Variants in ZRANB3 observed in about 807,000 individuals in gnomAD.
ZRANB3 encodes zinc finger RANBP2-type containing 3.
A neutral mutation model predicts 133.8 loss-of-function variants in ZRANB3; 125 were observed. That is an observed-to-expected ratio of 0.93 (90% confidence interval 0.81 to 1.08). The LOEUF (loss-of-function observed/expected upper bound fraction) is 1.08. Among genes scored for constraint, ZRANB3 ranks in the 50% least tolerant of loss-of-function variants. ZRANB3 has a pLI of 0.00. For missense variants in ZRANB3, 1,229 were observed against 1,275.5 expected (o/e 0.96, Z 0.56); for synonymous variants, 387 against 432.7 (o/e 0.89, Z 1.31).
At chr2:135,384,946 C>A (rs1254533125) in intron 3 of ZRANB3, among the ~76,000 whole-genome samples, 1 of 152,170 alleles carries the variant, frequency 6.6e-6, no homozygotes, top group African/African-American at 2.4e-5. Flanking sequence ...GACACGGATG[C>A]ACTTTCTCAC....
At chr2:135,310,308 A>G (rs1265171022) in intron 8 of ZRANB3, among the ~76,000 whole-genome samples, 1 of 152,172 alleles carries the variant, frequency 6.6e-6, no homozygotes. Context: ...CCAATGAATG[A>G]GAATAGAGTT....
intron 2 of ZRANB3, among the ~76,000 whole-genome samples, chr2:135,452,159 G>A (rs1376455322): frequency 6.6e-6 from 1 of 152,172 alleles, no homozygotes; most frequent in Non-Finnish European, 1.5e-5. Flanking sequence ...AAAGGAAAAT[G>A]AGGAAGCAGC....
chr2:135,289,748 CAA>C (rs1200665697), intron 8 of ZRANB3, among the ~76,000 whole-genome samples: 2 of 151,966 alleles, frequency 1.3e-5, no homozygotes, highest in African/African-American at 4.8e-5. Flanking sequence ...ACTAAAAATA[CAA>C]AAATTAGCTG....
intron 2 of ZRANB3, among the ~76,000 whole-genome samples, chr2:135,480,065 C>T (rs538244416): frequency 6.6e-6 from 1 of 151,486 alleles, no homozygotes; most frequent in Non-Finnish European, 1.5e-5. Flanking sequence ...TCCAAGGTAG[C>T]TGGGACTACA....
intron 6 of ZRANB3, among the ~76,000 whole-genome samples, chr2:135,342,920 T>C (rs1174533307): frequency 6.8e-6 from 1 of 146,956 alleles, no homozygotes; most frequent in Non-Finnish European, 1.5e-5. Flanking sequence ...ATCCCAGCAC[T>C]TTGGGAGGCT....
chr2:135,316,474 T>A (rs992558887), intron 6 of ZRANB3, among the ~76,000 whole-genome samples: 4 of 152,122 alleles, frequency 2.6e-5, no homozygotes, highest in Admixed American at 6.6e-5. Flanking sequence ...TGTTAGAGAA[T>A]AATTAACAAA....
At chr2:135,481,082 C>A (rs574313692) in intron 2 of ZRANB3, among the ~76,000 whole-genome samples, 77 of 152,144 alleles carry the variant, frequency 5.1e-4, no homozygotes, top group African/African-American at 1.9e-3. Context: ...CATACGTGAG[C>A]ATGTGTCTTT....
chr2:135,334,891 T>C (rs762820934), intron 6 of ZRANB3, among the ~76,000 whole-genome samples: 2 of 152,032 alleles, frequency 1.3e-5, no homozygotes, highest in Non-Finnish European at 1.5e-5. Flanking sequence ...CAAGACTCCA[T>C]CTCAAAAATA....
chr2:135,482,958 G>C (rs1032435261), intron 2 of ZRANB3, among the ~76,000 whole-genome samples: 2 of 151,816 alleles, frequency 1.3e-5, no homozygotes, highest in Non-Finnish European at 2.9e-5. Flanking sequence ...TGCATCCCAG[G>C]GATGAAGCCC....
intron 1 of ZRANB3, among the ~76,000 whole-genome samples, chr2:135,526,539 AG>A (rs1390240214): frequency 2.6e-5 from 4 of 152,132 alleles, no homozygotes; most frequent in Admixed American, 1.3e-4. Flanking sequence ...AATTCTCATC[AG>A]GGGGGTTTTA....
At chr2:135,490,783 T>TAC (rs1692337004) in intron 2 of ZRANB3, among the ~76,000 whole-genome samples, 1 of 152,230 alleles carries the variant, frequency 6.6e-6, no homozygotes, top group African/African-American at 2.4e-5. Flanking sequence ...GATATATATA[T>TAC]ACACAATGAA....
chr2:135,435,727 A>C (rs1689504424), intron 2 of ZRANB3, among the ~76,000 whole-genome samples: 1 of 151,926 alleles, frequency 6.6e-6, no homozygotes, highest in East Asian at 1.9e-4. Context: ...TTTGATTTGC[A>C]TTTCTCTAAT....
Position 135,429,326 on chromosome 2 carries a change from T to C in ZRANB3, c.162-38506A>G, listed in dbSNP as rs1414589310. ...ACATATTCACTTATCAATGGGAGCTTATCAACATGAGTACAGATGAACGCA... is the reference window on the plus strand; with the variant it reads ...ACATATTCACTTATCAATGGGAGCTCATCAACATGAGTACAGATGAACGCA... On this transcript the variant is annotated intron_variant, in intron 2 of 20. Transcript: ENST00000264159. Among the ~76,000 whole-genome samples the C allele has an allele frequency of 1.3e-5, 2 of 152,064 alleles. 1 individual carries two copies. Among genetic ancestry groups the C allele is most frequent in the African/African-American group, 4.8e-5 (2 of 41,400 alleles).
At position 135,388,073 on chromosome 2, in the gene ZRANB3, G is replaced by A. The variant is rs138203300; in HGVS notation, c.180+2729C>T. 5.9e-5 allele frequency among the ~76,000 whole-genome samples: 9 copies of A among 152,298 alleles called. No homozygotes were observed. The East Asian group carries it at 1.7e-3, about 29-fold the overall frequency. On this transcript the variant is annotated intron_variant, in intron 3 of 20. Transcript: ENST00000264159. ...AGGGGTTTAATTCACAGTTCCACATGGCTAGGGAGGCTCCACAATCATGGT... is the reference window on the plus strand; with the variant it reads ...AGGGGTTTAATTCACAGTTCCACATAGCTAGGGAGGCTCCACAATCATGGT...
At chr2:135,307,970 A>G (rs991292195) in intron 8 of ZRANB3, among the ~76,000 whole-genome samples, 1 of 152,130 alleles carries the variant, frequency 6.6e-6, no homozygotes, top group Admixed American at 6.5e-5. Flanking sequence ...CCTGTAGGAT[A>G]GTAGGTTGTC....
chr2:135,400,325 A>C (rs1290848099), intron 2 of ZRANB3, among the ~76,000 whole-genome samples: 4 of 152,046 alleles, frequency 2.6e-5, no homozygotes, highest in Non-Finnish European at 4.4e-5. Context: ...CTTCTGATAA[A>C]TCCATATTTT....
chr2:135,239,322 TG>T (rs1421335830), intron 12 of ZRANB3, among the ~76,000 whole-genome samples: 1 of 151,882 alleles, frequency 6.6e-6, no homozygotes, highest in Non-Finnish European at 1.5e-5. Flanking sequence ...GAAATACTGG[TG>T]GTGGGTGCAC....
At chr2:135,466,382 CAAAAAAAAAAAAAAAAAA>C (rs553890734) in intron 2 of ZRANB3, among the ~76,000 whole-genome samples, 1 of 28,214 alleles carries the variant, frequency 3.5e-5, no homozygotes, top group East Asian at 1.3e-3. Context: ...GACTCCGTCA[CAAAAAAAAAAAAAAAAAA>C]AAAAAAAAAA....
At chr2:135,491,033 T>C (rs1692348030) in intron 2 of ZRANB3, among the ~76,000 whole-genome samples, 1 of 152,184 alleles carries the variant, frequency 6.6e-6, no homozygotes, top group African/African-American at 2.4e-5. Flanking sequence ...TGGGTACAAA[T>C]ATACAGTTAG....
Sources: gnomAD v4.1 joint callset for allele counts (sites outside exome capture counted in the v4.1 genomes callset) on GRCh38, gnomAD v4.1.1 for gene constraint, MANE v1.5 for transcripts, NCBI Gene and HGNC (gene_info 2026-07-23, HGNC 2026-07-21) for gene names.